Variants in COPB2 observed in about 807,000 individuals in gnomAD.
The protein encoded by COPB2 is coatomer subunit beta'.
A neutral mutation model predicts 120.8 loss-of-function variants in COPB2; 16 were observed. The observed-to-expected ratio is 0.13, with a 90% CI of 0.09 to 0.20. COPB2 has a LOEUF of 0.20. COPB2 is among the 10% of genes least tolerant of loss of function. The pLI is 1.00. For synonymous variants in COPB2, 332 were observed against 366.3 expected, an observed-to-expected ratio of 0.91 and a Z score of 1.07; for missense variants, 794 against 1,076.5, an observed-to-expected ratio of 0.74 and a Z score of 3.67.
At chr3:139,377,467 G>C (rs1363184437) in intron 5 of COPB2, among the ~76,000 whole-genome samples, 1 of 152,226 alleles carries the variant, frequency 6.6e-6, no homozygotes, top group East Asian at 1.9e-4. Flanking sequence ...GTAAGGTTTT[G>C]TGAACATTCA....
chr3:139,370,348 C>T (rs759009722), intron 10 of COPB2, among the ~76,000 whole-genome samples: 2 of 152,118 alleles, frequency 1.3e-5, no homozygotes, highest in African/African-American at 2.4e-5. Context: ...GATTCACGTC[C>T]CAGGTAGGAT....
chr3:139,375,075 T>TA (rs1388239317), intron 6 of COPB2, among the ~76,000 whole-genome samples: 2 of 152,176 alleles, frequency 1.3e-5, no homozygotes, highest in Non-Finnish European at 2.9e-5. Flanking sequence ...AAGAAAATCT[T>TA]AGAGATAGGA....
chr3:139,373,840 A>AT, intron 7 of COPB2, 32 bp from the exon 8 acceptor site: 1 of 1,612,348 alleles, frequency 6.2e-7, no homozygotes, highest in Non-Finnish European at 8.5e-7. Flanking sequence ...CTCCCTTTTG[A>AT]TACAAACATC....
At position 139,357,702 on chromosome 3, in the gene COPB2, C is replaced by G; in HGVS notation, c.*161G>C. On this transcript the variant is annotated 3_prime_UTR_variant, in exon 22 of 22. Transcript: ENST00000333188. ...GTGATTTAAATGCTGCACATAAACT[C>G]TTCTTAAGATGATGTGGGCATTGTG... The G allele has an allele frequency of 4.2e-6, 2 of 471,394 alleles. No individual in the cohort carries two copies. The highest frequency in any genetic ancestry group is 9.5e-5 in the South Asian group (2 of 21,126). 29.2% of individuals were successfully genotyped at this position (471,394 alleles called of 1,614,324 possible).
chr3:139,361,013 T>C (rs1222188217), intron 17 of COPB2, 68 bp downstream of exon 17: 5 of 1,545,354 alleles, frequency 3.2e-6, no homozygotes, highest in Non-Finnish European at 4.4e-6. Flanking sequence ...CCAGGGTTCA[T>C]TCTTCACTTC....
At chr3:139,370,701 G>A (rs1212433025) in intron 10 of COPB2, among the ~76,000 whole-genome samples, 1 of 152,132 alleles carries the variant, frequency 6.6e-6, no homozygotes, top group Non-Finnish European at 1.5e-5. Flanking sequence ...AGGAAGTGAT[G>A]TGATGAGGGC....
At chr3:139,358,635 C>G (rs146998078) in intron 20 of COPB2, 109 bp downstream of exon 20, 62 of 750,416 alleles carry the variant, frequency 8.3e-5, no homozygotes, top group Non-Finnish European at 1.3e-4. Context: ...GAGCCTAGAT[C>G]GCGCCACTGC....
intron 9 of COPB2, 101 bp downstream of exon 9, chr3:139,373,112 A>T: frequency 8.6e-7 from 1 of 1,159,434 alleles, no homozygotes; most frequent in Non-Finnish European, 1.3e-6. Context: ...CACATTGAGG[A>T]ATGATTAGAG....
At chr3:139,370,945 C>T (rs1489072783) in intron 10 of COPB2, among the ~76,000 whole-genome samples, 2 of 152,128 alleles carry the variant, frequency 1.3e-5, no homozygotes, top group African/African-American at 4.8e-5. Context: ...ACTGTTGTAA[C>T]ATTTTAAAAA....
chr3:139,371,693 C>T (rs938672574), intron 10 of COPB2, 30 bp downstream of exon 10: 1 of 1,554,466 alleles, frequency 6.4e-7, no homozygotes, highest in Non-Finnish European at 8.9e-7. Context: ...GCAATCAGGG[C>T]ATGCTGGCTA....
intron 13 of COPB2, 148 bp from the exon 14 acceptor site, chr3:139,367,293 A>ATT (rs200861935): frequency 1.3e-3 from 926 of 690,606 alleles, no homozygotes; most frequent in Middle Eastern, 1.8e-3. Context: ...TTTCCTTGGA[A>ATT]TTTTTTTTTT....
intron 17 of COPB2, among the ~76,000 whole-genome samples, chr3:139,360,250 G>A (rs1027325280): frequency 4.6e-5 from 7 of 151,722 alleles, no homozygotes; most frequent in African/African-American, 9.7e-5. Flanking sequence ...CGGGCTGGGC[G>A]TGGTGGCTCA....
intron 20 of COPB2, chr3:139,358,508 C>A (rs1941338123): frequency 1.7e-6 from 1 of 599,436 alleles, no homozygotes; most frequent in Non-Finnish European, 2.9e-6. Context: ...GAAACCCTGT[C>A]TCTAATAAAA....
At chr3:139,359,952 A>G (rs991605928) in intron 17 of COPB2, among the ~76,000 whole-genome samples, 1 of 152,192 alleles carries the variant, frequency 6.6e-6, no homozygotes. Context: ...AATAACTTAC[A>G]TAGGAATGTT....
rs1018531345 is a variant in COPB2, at chr3:139,371,794, G to A, written c.1134C>T (p.Tyr378=). Residue 378 remains tyrosine, a synonymous_variant, in exon 10 of 22, where the codon TAC becomes TAT. Coordinates refer to ENST00000333188, the MANE Select transcript of COPB2 (RefSeq NM_004766.3). ...VVCGDGEYII[Y]TAMALRNKSF... ...TCTTGTTTCTCAATGCCATTGCTGT[G>A]TAGATGATATACTCCCCATCACCAC... is the stretch of plus-strand genomic sequence containing the variant. The A allele has an allele frequency of 3.1e-6, 5 of 1,613,968 alleles. No individual in the cohort carries two copies. In the Middle Eastern group the frequency reaches 8.2e-4, roughly 266 times the overall value.
rs776667370 is a variant in COPB2, at chr3:139,375,418, T to C, written c.651+50A>G. The C allele has an allele frequency of 6.4e-6, 10 of 1,567,532 alleles. 1 individual carries two copies. Among genetic ancestry groups the C allele is most frequent in the Middle Eastern group, 3.4e-4 (2 of 5,852 alleles). On this transcript the variant is annotated intron_variant, in intron 6 of 21. Coordinates refer to ENST00000333188, the MANE Select transcript of COPB2 (RefSeq NM_004766.3). Reference sequence around the variant, plus strand: ...CAAGTCTTAACTGTCCTATAAGAAATAGTAAGAAACATATCTAACATATGG... The same window carrying C: ...CAAGTCTTAACTGTCCTATAAGAAACAGTAAGAAACATATCTAACATATGG...
At chr3:139,367,767 A>G (rs1411998502) in intron 13 of COPB2, among the ~76,000 whole-genome samples, 1 of 152,250 alleles carries the variant, frequency 6.6e-6, no homozygotes, top group Non-Finnish European at 1.5e-5. Flanking sequence ...TAGACCCTTC[A>G]TAACATGACA....
chr3:139,379,004 T>C (rs756270608), intron 4 of COPB2, 43 bp downstream of exon 4: 15 of 1,525,078 alleles, frequency 9.8e-6, no homozygotes, highest in African/African-American at 2.8e-5. Flanking sequence ...TGAAAATGAA[T>C]TACCCAAAGA....
chr3:139,367,256 TC>T (rs1299281454), intron 13 of COPB2, 111 bp from the exon 14 acceptor site: 1 of 1,265,214 alleles, frequency 7.9e-7, no homozygotes. Context: ...CAAAGTAAAA[TC>T]CTTCCTATTT....
Sources: gnomAD v4.1 joint callset for allele counts (sites outside exome capture counted in the v4.1 genomes callset) on GRCh38, gnomAD v4.1.1 for gene constraint, MANE v1.5 for transcripts, NCBI Gene and HGNC (gene_info 2026-07-23, HGNC 2026-07-21) for gene names.